The following ITPRID1 variants were observed in gnomAD, a reference collection of about 807,000 sequenced individuals.
ITPRID1 encodes ITPR interacting domain containing 1.
In ITPRID1, 96 loss-of-function variants were observed where a neutral mutation model predicts 95.4. The ratio of observed to expected loss-of-function variants is 1.01; its 90% CI spans 0.85 to 1.19. The LOEUF is 1.19. ITPRID1 is among the 50% of genes most tolerant of loss of function. The pLI is 0.00. For synonymous variants in ITPRID1, 510 were observed against 453.6 expected (o/e 1.12, Z -1.58); for missense variants, 1,339 against 1,252.9 (o/e 1.07, Z -1.04).
chr7:31,610,726 G>A (rs1446214784), intron 10 of ITPRID1, among the ~76,000 whole-genome samples: 1 of 150,868 alleles, frequency 6.6e-6, no homozygotes, highest in Non-Finnish European at 1.5e-5. Context: ...TTATCTTATT[G>A]TCTATATAAT....
Position 31,652,008 on chromosome 7 carries a change from G to A in ITPRID1, c.2781G>A (p.Gln927=). ...AGCAGGTGGCAGAGTTGGAATTTCA[G>A]TTAGGAGACCGGGCTCAGCAAATCA... ...LRQQVAELEF[Q]LGDRAQQIRE... The change falls in exon 14 of 15, where the codon CAG becomes CAA. Residue 927 remains glutamine (Q), a synonymous_variant. Transcript: ENST00000615280. The A allele has an allele frequency of 6.2e-7, 1 of 1,605,118 alleles. No individual in the cohort carries two copies. Among genetic ancestry groups the A allele is most frequent in the Non-Finnish European group, 8.5e-7 (1 of 1,176,024 alleles).
chr7:31,612,183 C>T (rs780495240), intron 10 of ITPRID1, among the ~76,000 whole-genome samples: 8 of 151,908 alleles, frequency 5.3e-5, no homozygotes, highest in African/African-American at 9.7e-5. Context: ...CAACTCTAAA[C>T]TCTTATTTGG....
chr7:31,596,166 A>G (rs1786081281), intron 10 of ITPRID1, among the ~76,000 whole-genome samples: 1 of 151,442 alleles, frequency 6.6e-6, no homozygotes, highest in African/African-American at 2.4e-5. Context: ...GTAACATAAT[A>G]GAAAAGATAA....
At chr7:31,626,713 C>T (rs923651468) in intron 10 of ITPRID1, among the ~76,000 whole-genome samples, 1 of 152,148 alleles carries the variant, frequency 6.6e-6, no homozygotes, top group Non-Finnish European at 1.5e-5. Flanking sequence ...TGCCCCAAAA[C>T]TCTTGTTGTG....
intron 10 of ITPRID1, among the ~76,000 whole-genome samples, chr7:31,620,501 G>T (rs1293136605): frequency 2.6e-5 from 4 of 151,254 alleles, no homozygotes; most frequent in Non-Finnish European, 4.4e-5. Context: ...GGCAAACAGG[G>T]TCTGGAGTGG....
intron 12 of ITPRID1, among the ~76,000 whole-genome samples, chr7:31,649,939 A>G (rs1221898266): frequency 6.6e-6 from 1 of 152,182 alleles, no homozygotes; most frequent in African/African-American, 2.4e-5. Context: ...TGGGCATTCT[A>G]AAGAGAGAAT....
chr7:31,622,224 G>A (rs1241166409), intron 10 of ITPRID1, among the ~76,000 whole-genome samples: 1 of 146,126 alleles, frequency 6.8e-6, no homozygotes, highest in African/African-American at 2.5e-5. Flanking sequence ...AGGATACCCA[G>A]GAATTGACCT....
intron 1 of ITPRID1, among the ~76,000 whole-genome samples, chr7:31,519,918 C>T (rs962763207): frequency 6.6e-6 from 1 of 151,644 alleles, no homozygotes; most frequent in African/African-American, 2.4e-5. Flanking sequence ...TTATTATTAA[C>T]TAAGTCCGCC....
chr7:31,533,467 T>C (rs1783665564), intron 1 of ITPRID1, among the ~76,000 whole-genome samples: 1 of 152,206 alleles, frequency 6.6e-6, no homozygotes, highest in Non-Finnish European at 1.5e-5. Context: ...TTGTATTTTA[T>C]TGATCTTTAC....
chr7:31,619,425 T>A (rs545454610), intron 10 of ITPRID1, among the ~76,000 whole-genome samples: 1 of 152,346 alleles, frequency 6.6e-6, no homozygotes, highest in African/African-American at 2.4e-5. Context: ...CTATGTAACA[T>A]GTTCCTAACT....
chr7:31,633,554 C>T (rs1222308494), intron 10 of ITPRID1, among the ~76,000 whole-genome samples: 1 of 152,204 alleles, frequency 6.6e-6, no homozygotes, highest in Non-Finnish European at 1.5e-5. Flanking sequence ...GGAACAACTG[C>T]TCTCTGGTCT....
chr7:31,626,846 G>T (rs542451008), intron 10 of ITPRID1, among the ~76,000 whole-genome samples: 11 of 152,290 alleles, frequency 7.2e-5, no homozygotes, highest in African/African-American at 2.6e-4. Context: ...CCCTTATCTA[G>T]CACATTGCCT....
At position 31,533,040 on chromosome 7, in the gene ITPRID1, T is replaced by G. The variant is rs533010133; in HGVS notation, c.-97-16386T>G. The stretch of plus-strand genomic sequence containing the variant: ...GTTATACAAGGAATTGAAAATATTT[T>G]TTTTCTTTTTTTATGTTCAGAAAAA... On this transcript the variant is annotated intron_variant, in intron 1 of 14. Transcript: ENST00000615280. Among the ~76,000 whole-genome samples, 3 of 152,300 alleles carry G rather than the reference T, an allele frequency of 2.0e-5. No individual in the cohort carries two copies. The South Asian group carries it at 6.2e-4, about 32-fold the overall frequency.
chr7:31,582,544 C>G (rs1284488112), intron 9 of ITPRID1, among the ~76,000 whole-genome samples: 1 of 152,080 alleles, frequency 6.6e-6, no homozygotes, highest in Admixed American at 6.6e-5. Context: ...AGTTATCAAG[C>G]CCAACCCTGT....
intron 10 of ITPRID1, among the ~76,000 whole-genome samples, chr7:31,630,280 A>G (rs999849937): frequency 4.0e-5 from 6 of 151,212 alleles, no homozygotes; most frequent in African/African-American, 1.5e-4. Context: ...AATTAATCAT[A>G]TTAGTAATAC....
intron 1 of ITPRID1, among the ~76,000 whole-genome samples, chr7:31,536,461 C>G (rs1473316600): frequency 6.6e-6 from 1 of 152,152 alleles, no homozygotes; most frequent in Non-Finnish European, 1.5e-5. Flanking sequence ...TGGTCTATCT[C>G]TGGGTCTGGT....
chr7:31,523,018 T>A (rs905163460), intron 1 of ITPRID1, among the ~76,000 whole-genome samples: 1 of 152,212 alleles, frequency 6.6e-6, no homozygotes, highest in Non-Finnish European at 1.5e-5. Context: ...ATCTGTGCAA[T>A]GTAGATAGTG....
At position 31,592,336 on chromosome 7, in the gene ITPRID1, A is replaced by G. The variant is rs146738612; in HGVS notation, c.1228+9145A>G. Among the ~76,000 whole-genome samples the G allele has an allele frequency of 7.1e-3, 1,086 of 152,336 alleles. 7 individuals carry two copies. Among genetic ancestry groups the G allele is most frequent in the Non-Finnish European group, 9.2e-3 (626 of 68,030 alleles). Reference sequence around the variant, plus strand: ...TCTCTATGCTTCTGTGTCCTCATCTAAAGAAAATAAAAATAAGCATAATAA... The same window carrying G: ...TCTCTATGCTTCTGTGTCCTCATCTGAAGAAAATAAAAATAAGCATAATAA... On this transcript the variant is annotated intron_variant, in intron 10 of 14. Coordinates refer to ENST00000615280, the MANE Select transcript of ITPRID1 (RefSeq NM_001257967.3).
downstream of ITPRID1, among the ~76,000 whole-genome samples, chr7:31,658,095 A>C (rs989224677): frequency 6.6e-6 from 1 of 152,126 alleles, no homozygotes; most frequent in Non-Finnish European, 1.5e-5. Flanking sequence ...ATGAGGGAAG[A>C]CCCAAGTTGC....
Sources: gnomAD v4.1 joint callset for allele counts (sites outside exome capture counted in the v4.1 genomes callset) on GRCh38, gnomAD v4.1.1 for gene constraint, MANE v1.5 for transcripts, NCBI Gene and HGNC (gene_info 2026-07-23, HGNC 2026-07-21) for gene names.